SAMD8: variants seen among roughly 807,000 people sequenced by gnomAD.
The protein encoded by SAMD8 is sphingomyelin synthase-related protein 1.
A neutral mutation model predicts 42.0 loss-of-function variants in SAMD8; 20 were observed. The ratio of observed to expected loss-of-function variants is 0.48; its 90% confidence interval spans 0.34 to 0.69. SAMD8 has a LOEUF of 0.69. Among genes scored for constraint, SAMD8 ranks in the 30% least tolerant of loss-of-function variants. The probability of loss-of-function intolerance (pLI) is 0.01; values close to 1 mark genes in which losing one functional copy is unlikely to be tolerated. For missense variants in SAMD8, 328 were observed against 511.6 expected, an observed-to-expected ratio of 0.64 and a Z score of 3.46; for synonymous variants, 162 against 173.0, an observed-to-expected ratio of 0.94 and a Z score of 0.50.
chr10:75,176,184 T>C lies in SAMD8; in HGVS notation c.911T>C (p.Val304Ala). Residue 304 changes from valine (V) to alanine (A), a missense_variant, in exon 5 of 6, where the codon GTC (valine) becomes GCC (alanine). By Grantham distance (64) the Val-to-Ala change is moderately conservative. This residue lies in a region of SAMD8 where 178 missense variants were observed against 325.6 expected (regional missense o/e 0.55). Coordinates refer to ENST00000542569, the MANE Select transcript of SAMD8 (RefSeq NM_001174156.2). This position sits in a 1 kb window ranked among gnomAD's most constrained non-coding sequence, Gnocchi z 4.3. ...TACATGTTTAGTGGCCACACAGTCG[T>C]CCTAACTATGCTGAATTTCTTTGTC... ...GDYMFSGHTV[V>A]LTMLNFFVTE... 1 of 1,614,220 alleles carries C rather than the reference T, an allele frequency of 6.2e-7. No homozygotes were observed. The highest frequency in any genetic ancestry group is 8.5e-7 in the Non-Finnish European group (1 of 1,180,016).
chr10:75,107,912 G>T, upstream of SAMD8: 1 of 1,436,786 alleles, frequency 7.0e-7, no homozygotes, highest in Non-Finnish European at 9.5e-7. Flanking sequence ...GGATGGGAGG[G>T]CACTGATGAC....
chr10:75,108,074 G>A (rs774241602), upstream of SAMD8: 1 of 1,613,900 alleles, frequency 6.2e-7, no homozygotes, highest in South Asian at 1.1e-5. Flanking sequence ...GGAGGTCGTG[G>A]GCTGGCACCC....
At chr10:75,102,660 T>G (rs1037688801) in intron 1 of SAMD8, among the ~76,000 whole-genome samples, 2 of 151,194 alleles carry the variant, frequency 1.3e-5, no homozygotes, top group African/African-American at 2.4e-5. Flanking sequence ...ATACAAAAAA[T>G]TAGTGAGTTG....
intron 1 of SAMD8, among the ~76,000 whole-genome samples, chr10:75,137,465 G>C (rs186815482): frequency 2.0e-5 from 3 of 151,874 alleles, no homozygotes; most frequent in Non-Finnish European, 4.4e-5. Flanking sequence ...GCTTGAACCC[G>C]GGAGGCGGAG....
chr10:75,112,998 C>A (rs1440701517), intron 1 of SAMD8, among the ~76,000 whole-genome samples: 2 of 152,122 alleles, frequency 1.3e-5, no homozygotes. Flanking sequence ...TGGAGAGGTA[C>A]CTTTGACTGA....
chr10:75,144,678 G>T (rs1840094793), intron 1 of SAMD8, among the ~76,000 whole-genome samples: 1 of 151,678 alleles, frequency 6.6e-6, no homozygotes, highest in South Asian at 2.1e-4. Flanking sequence ...GTTTTTTTGA[G>T]ACAGGCTCTT....
At chr10:75,106,088 TTTTC>T (rs1245792358) in intron 1 of SAMD8, among the ~76,000 whole-genome samples, 4 of 135,076 alleles carry the variant, frequency 3.0e-5, no homozygotes, top group Non-Finnish European at 6.1e-5. Context: ...TTCTTTTTTC[TTTTC>T]TTTCTTTTCT....
chr10:75,121,284 C>T (rs1482575709), intron 1 of SAMD8, among the ~76,000 whole-genome samples: 2 of 152,094 alleles, frequency 1.3e-5, no homozygotes, highest in Non-Finnish European at 2.9e-5. Context: ...TGAACCTAGG[C>T]AGTTTAATTC....
chr10:75,163,839 G>A (rs564767545), intron 2 of SAMD8, among the ~76,000 whole-genome samples: 1 of 152,096 alleles, frequency 6.6e-6, no homozygotes, highest in South Asian at 2.1e-4. Context: ...CTGTTTGGTG[G>A]GGAGGAAAAA....
At chr10:75,123,388 C>T (rs1419294215) in intron 1 of SAMD8, among the ~76,000 whole-genome samples, 1 of 152,084 alleles carries the variant, frequency 6.6e-6, no homozygotes, top group Non-Finnish European at 1.5e-5. Context: ...TCCAAGTTCC[C>T]CAAATGGACT....
At chr10:75,133,266 G>A (rs1008563301) in intron 1 of SAMD8, among the ~76,000 whole-genome samples, 3 of 152,094 alleles carry the variant, frequency 2.0e-5, no homozygotes, top group Admixed American at 6.5e-5. Flanking sequence ...AGCTAGGCGT[G>A]GTGGTGCGTG....
At chr10:75,116,257 C>T (rs1347924370) in intron 1 of SAMD8, among the ~76,000 whole-genome samples, 1 of 151,956 alleles carries the variant, frequency 6.6e-6, no homozygotes, top group Non-Finnish European at 1.5e-5. Flanking sequence ...TGCCACCACA[C>T]CTGGCTAATT....
chr10:75,130,832 C>T (rs569208225), intron 1 of SAMD8, among the ~76,000 whole-genome samples: 3 of 152,054 alleles, frequency 2.0e-5, no homozygotes, highest in South Asian at 4.1e-4. Flanking sequence ...TTCATTGTCT[C>T]GTGTAAAATG....
intron 1 of SAMD8, among the ~76,000 whole-genome samples, chr10:75,111,996 T>C (rs1848781326): frequency 6.6e-6 from 1 of 151,912 alleles, no homozygotes; most frequent in South Asian, 2.1e-4. Context: ...AGCCCAGAGC[T>C]TGGGGGCTTT....
intron 2 of SAMD8, among the ~76,000 whole-genome samples, chr10:75,163,017 C>G (rs1840595202): frequency 6.6e-6 from 1 of 152,092 alleles, no homozygotes; most frequent in Non-Finnish European, 1.5e-5. Flanking sequence ...CCTCCGCCTC[C>G]CGGGTTCAAG....
chr10:75,168,865 G>A (rs945296453), intron 4 of SAMD8, among the ~76,000 whole-genome samples: 33 of 152,142 alleles, frequency 2.2e-4, no homozygotes, highest in African/African-American at 8.0e-4. Context: ...TCTATGCTAT[G>A]GAGCTATAGA....
At chr10:75,142,676 C>T (rs555628653) in intron 1 of SAMD8, among the ~76,000 whole-genome samples, 3 of 152,142 alleles carry the variant, frequency 2.0e-5, no homozygotes, top group African/African-American at 7.2e-5. Context: ...ACCATGTGAT[C>T]CGCCCGCCTC....
chr10:75,100,642 C>T (rs72805326), intron 1 of SAMD8, among the ~76,000 whole-genome samples: 12,405 of 152,262 alleles, frequency 0.081, 696 homozygotes, highest in African/African-American at 0.15. Context: ...TGCAGTCTTC[C>T]TTCTCTCCCT....
At chr10:75,126,993 G>A (rs1355136139) in intron 1 of SAMD8, among the ~76,000 whole-genome samples, 2 of 152,040 alleles carry the variant, frequency 1.3e-5, no homozygotes, top group African/African-American at 4.8e-5. Flanking sequence ...TTCGAGACCA[G>A]CCTGGCCAGC....
Sources: allele counts gnomAD v4.1 joint callset (sites outside exome capture counted in the v4.1 genomes callset), GRCh38; gene constraint gnomAD v4.1.1; regional missense constraint gnomAD v4.1.1; non-coding constraint Gnocchi (gnomAD v3.1); transcripts MANE v1.5; gene names NCBI Gene and HGNC (gene_info 2026-07-23, HGNC 2026-07-21).